ACACB: variants seen among roughly 807,000 people sequenced by gnomAD.
ACACB encodes acetyl-CoA carboxylase 2.
Under a neutral mutation model 278.8 loss-of-function variants are expected in ACACB, and 209 were observed. The ratio of observed to expected loss-of-function variants is 0.75; its 90% CI spans 0.67 to 0.84. The LOEUF is 0.84. ACACB is among the 40% of genes least tolerant of loss of function. The pLI, the probability that ACACB is intolerant of heterozygous loss-of-function variation, is 0.00. For synonymous variants in ACACB, 1,174 were observed against 1,285.6 expected (o/e 0.91, Z 1.86); for missense variants, 2,850 against 3,269.0 (o/e 0.87, Z 3.13).
chr12:109,177,403 CTTAG>C (rs1262186380), intron 9 of ACACB, among the ~76,000 whole-genome samples: 1 of 152,140 alleles, frequency 6.6e-6, no homozygotes, highest in Non-Finnish European at 1.5e-5. Flanking sequence ...GGGAGAAAGA[CTTAG>C]TTAAATAGCA....
intron 1 of ACACB, among the ~76,000 whole-genome samples, chr12:109,139,186 T>C (rs544067201): frequency 6.6e-6 from 1 of 152,274 alleles, no homozygotes; most frequent in East Asian, 1.9e-4. Context: ...GGTTCTTCCT[T>C]GAACCTTGGC....
intron 2 of ACACB, among the ~76,000 whole-genome samples, chr12:109,163,841 G>A (rs772333339): frequency 1.3e-5 from 2 of 152,144 alleles, no homozygotes; most frequent in South Asian, 4.1e-4. Context: ...GTAGAGACGG[G>A]GTTTCACCAT....
intron 3 of ACACB, among the ~76,000 whole-genome samples, chr12:109,167,531 C>T (rs1049381860): frequency 6.8e-6 from 1 of 148,046 alleles, no homozygotes. Flanking sequence ...GCTGGAAGGT[C>T]GAAGCTGCAG....
chr12:109,230,710 G>A (rs144778895), intron 28 of ACACB, among the ~76,000 whole-genome samples: 10 of 152,294 alleles, frequency 6.6e-5, no homozygotes, highest in East Asian at 3.9e-4. Context: ...TATTATAGGC[G>A]CGAGCCCCTG....
chr12:109,158,868 G>A (rs959983424), intron 2 of ACACB, among the ~76,000 whole-genome samples: 4 of 152,062 alleles, frequency 2.6e-5, no homozygotes, highest in African/African-American at 7.2e-5. Flanking sequence ...CCAGCTACTC[G>A]GGAGGCTGAG....
rs1490039104 is a variant in ACACB, at chr12:109,245,733, T to G, written c.5286T>G (p.Leu1762=). The change falls in exon 38 of 53, where the codon CTT becomes CTG. Residue 1762 remains leucine, a synonymous_variant. Transcript: ENST00000338432. ...SQGQLVEMNR[L]PGGNEVGMVA... is the part of the protein sequence containing the mutation. ...GCCAGCTGGTGGAGATGAACCGACTTCCTGGTGGAAATGAGGTAATAGCTC... is the reference window on the plus strand; with the variant it reads ...GCCAGCTGGTGGAGATGAACCGACTGCCTGGTGGAAATGAGGTAATAGCTC... 1.2e-6 allele frequency: 2 copies of G among 1,614,060 alleles called. No individual in the cohort carries two copies. The highest frequency in any genetic ancestry group is 4.5e-5 in the East Asian group (2 of 44,874).
chr12:109,156,086 A>G (rs2136102573), intron 2 of ACACB, among the ~76,000 whole-genome samples: 1 of 152,324 alleles, frequency 6.6e-6, no homozygotes, highest in East Asian at 1.9e-4. Context: ...CTCGCCAGGC[A>G]GGGTGGTGCA....
chr12:109,241,652 GC>G, intron 36 of ACACB: 1 of 271,108 alleles, frequency 3.7e-6, no homozygotes, highest in Non-Finnish European at 7.3e-6. Context: ...TGGCCATATG[GC>G]CATATTTGGG....
chr12:109,175,815 G>T, intron 7 of ACACB, 116 bp from the exon 8 acceptor site: 1 of 791,212 alleles, frequency 1.3e-6, no homozygotes, highest in Non-Finnish European at 2.1e-6. Flanking sequence ...TCTGTATTCC[G>T]CTGGTCCAGA....
chr12:109,151,141 T>C (rs1486092252), intron 2 of ACACB, among the ~76,000 whole-genome samples: 1 of 151,958 alleles, frequency 6.6e-6, no homozygotes, highest in Non-Finnish European at 1.5e-5. Context: ...TGCACCACCA[T>C]GCCCAGCTAA....
intron 50 of ACACB, among the ~76,000 whole-genome samples, chr12:109,264,686 C>T (rs889555924): frequency 6.6e-6 from 1 of 152,120 alleles, no homozygotes; most frequent in Non-Finnish European, 1.5e-5. Context: ...CAGTTTGGAC[C>T]TGGACCAGGG....
intron 3 of ACACB, 119 bp downstream of exon 3, chr12:109,167,112 A>C (rs2043935337): frequency 4.6e-6 from 6 of 1,308,622 alleles, no homozygotes; most frequent in Non-Finnish European, 5.4e-6. Context: ...AGAGGGGGTG[A>C]GGGCCACGCT....
At chr12:109,213,896 G>A (rs569951215) in intron 22 of ACACB, among the ~76,000 whole-genome samples, 10 of 150,536 alleles carry the variant, frequency 6.6e-5, no homozygotes, top group African/African-American at 1.5e-4. Context: ...CACTGCACCC[G>A]GCTGACAAAA....
At chr12:109,240,304 C>T (rs1228492210) in intron 35 of ACACB, among the ~76,000 whole-genome samples, 3 of 152,074 alleles carry the variant, frequency 2.0e-5, no homozygotes, top group Non-Finnish European at 4.4e-5. Flanking sequence ...GACGTGAGAC[C>T]GTGAGGTCTG....
chr12:109,196,559 C>T (rs1771604195), intron 16 of ACACB, among the ~76,000 whole-genome samples: 1 of 152,138 alleles, frequency 6.6e-6, no homozygotes, highest in Non-Finnish European at 1.5e-5. Context: ...TCATCACCTC[C>T]CAAAGGCTCC....
chr12:109,145,218 G>A (rs75158738), intron 2 of ACACB, among the ~76,000 whole-genome samples: 146 of 152,274 alleles, frequency 9.6e-4, no homozygotes, highest in African/African-American at 3.5e-3. Flanking sequence ...GAGGCAGTTG[G>A]CCAGGAGTGA....
chr12:109,151,469 C>T (rs931654724), intron 2 of ACACB, among the ~76,000 whole-genome samples: 5 of 151,928 alleles, frequency 3.3e-5, no homozygotes, highest in African/African-American at 1.2e-4. Context: ...CAGTCCCCCC[C>T]ACCCCATATA....
chr12:109,265,331 T>C (rs751126670), intron 51 of ACACB, 51 bp downstream of exon 51: 1 of 1,610,552 alleles, frequency 6.2e-7, no homozygotes, highest in Admixed American at 1.7e-5. Context: ...TGCTGGGGGC[T>C]GAGACAGCTG....
At chr12:109,131,100 G>A (rs2042813812) in intron 1 of ACACB, among the ~76,000 whole-genome samples, 1 of 152,206 alleles carries the variant, frequency 6.6e-6, no homozygotes, top group South Asian at 2.1e-4. Flanking sequence ...AAGCTGGAGG[G>A]AGGTGGTCCT....
Sources: allele counts gnomAD v4.1 joint callset (sites outside exome capture counted in the v4.1 genomes callset), GRCh38; gene constraint gnomAD v4.1.1; transcripts MANE v1.5; gene names NCBI Gene and HGNC (gene_info 2026-07-23, HGNC 2026-07-21).